SMG6: variants seen among roughly 807,000 people sequenced by gnomAD.
The protein encoded by SMG6 is SMG6 nonsense mediated mRNA decay factor.
SMG6 carries 66 observed loss-of-function variants against 142.2 expected under a neutral mutation model. That is an observed-to-expected ratio of 0.46 (90% CI 0.38 to 0.57). The LOEUF is 0.57. Ranked by LOEUF, SMG6 falls within the 20% of genes least tolerant of loss-of-function variation. SMG6 has a pLI of 0.00. For missense variants in SMG6, 1,793 were observed against 1,832.0 expected (o/e 0.98, Z 0.39); for synonymous variants, 779 against 702.4 (o/e 1.11, Z -1.72).
Position 2,292,872 on chromosome 17 carries a change from T to G in SMG6, c.2257A>C (p.Ser753Arg). Residue 753 changes from serine to arginine, a missense_variant and splice_region_variant, in exon 5 of 19, where the codon AGT becomes CGT. Ser to Arg is a moderately radical substitution (Grantham distance 110, BLOSUM62 -1). Coordinates refer to ENST00000263073, the MANE Select transcript of SMG6 (RefSeq NM_017575.5). ...SDTANYGKARSWYLKAQHIAP... is the reference protein window; with the variant it reads ...SDTANYGKARRWYLKAQHIAP... ...ATAACGAAGCAGAGGTAAAAGTACC[T>G]GCGTGCTTTCCCATAATTCGCTGTA... The G allele has an allele frequency of 1.2e-6, 2 of 1,612,286 alleles. No individual in the cohort carries two copies. Among genetic ancestry groups the G allele is most frequent in the Non-Finnish European group, 1.7e-6 (2 of 1,178,316 alleles).
At chr17:2,066,652 T>TACAC (rs1161956483) in intron 16 of SMG6, among the ~76,000 whole-genome samples, 12,296 of 119,426 alleles carry the variant, frequency 0.1, 748 homozygotes, top group South Asian at 0.2. Context: ...CATGTGGGAA[T>TACAC]ACACACACAC....
At chr17:2,174,833 C>T (rs1461985856) in intron 12 of SMG6, among the ~76,000 whole-genome samples, 1 of 152,154 alleles carries the variant, frequency 6.6e-6, no homozygotes, top group East Asian at 1.9e-4. Context: ...GCCTGAGCTC[C>T]TTTGTGATGT....
rs904554960 is a variant in SMG6, at chr17:2,068,117, G to A, written c.3835+661C>T. ...GAACTAAGGGTACCCAGACGGTCCC[G>A]TGGAGACGGCCCAGCTGGGCCTCTC... On this transcript the variant is annotated intron_variant, in intron 16 of 18. Transcript: ENST00000263073. The surrounding 1 kb of genome is among the most constrained non-coding windows in gnomAD (Gnocchi z 6.7). Among the ~76,000 whole-genome samples the A allele has an allele frequency of 2.6e-5, 4 of 152,184 alleles. No individual in the cohort carries two copies. The highest frequency in any genetic ancestry group is 7.2e-5 in the African/African-American group (3 of 41,448).
At chr17:2,297,451 G>C in intron 3 of SMG6, 98 bp from the exon 4 acceptor site, 4 of 846,328 alleles carry the variant, frequency 4.7e-6, no homozygotes, top group South Asian at 3.5e-5. Context: ...TTCTGCTGAT[G>C]TTCAGACATC....
chr17:2,172,898 G>T, intron 12 of SMG6, 39 bp from the exon 13 acceptor site: 1 of 1,582,320 alleles, frequency 6.3e-7, no homozygotes, highest in Non-Finnish European at 8.7e-7. Flanking sequence ...GCTCTAAAGA[G>T]GGACCAGTAA....
At chr17:2,164,830 C>T (rs144506974) in intron 13 of SMG6, among the ~76,000 whole-genome samples, 2 of 150,586 alleles carry the variant, frequency 1.3e-5, no homozygotes, top group East Asian at 2.0e-4. Context: ...CCAGCTACTC[C>T]GGAGGCTGAG....
intron 13 of SMG6, among the ~76,000 whole-genome samples, chr17:2,122,868 C>G (rs1183978182): frequency 6.6e-6 from 1 of 152,216 alleles, no homozygotes; most frequent in Admixed American, 6.5e-5. Flanking sequence ...CGAAACTCCA[C>G]AACAGGAGAC....
At chr17:2,161,733 T>A (rs1418658520) in intron 13 of SMG6, among the ~76,000 whole-genome samples, 2 of 148,900 alleles carry the variant, frequency 1.3e-5, no homozygotes, top group African/African-American at 5.0e-5. Context: ...AAAAAAAAAA[T>A]CAAATTCTCT....
intron 8 of SMG6, among the ~76,000 whole-genome samples, chr17:2,267,611 T>C (rs2074449521): frequency 6.6e-6 from 1 of 152,154 alleles, no homozygotes. Flanking sequence ...ATAAAGCACT[T>C]ACCTACTAGT....
At chr17:2,172,929 T>C (rs1016914258) in intron 12 of SMG6, 70 bp from the exon 13 acceptor site, 2 of 1,432,236 alleles carry the variant, frequency 1.4e-6, no homozygotes, top group African/African-American at 2.8e-5. Context: ...TCTCAGTATT[T>C]GTGAGCAGGG....
chr17:2,275,432 A>G (rs1368487280), intron 8 of SMG6, among the ~76,000 whole-genome samples: 1 of 152,170 alleles, frequency 6.6e-6, no homozygotes, highest in Non-Finnish European at 1.5e-5. Context: ...AAAACAAAAC[A>G]AAATTAAAAT....
Position 2,085,941 on chromosome 17 carries a change from G to C in SMG6, c.3358-40C>G. 6.3e-7 allele frequency: 1 copy of C among 1,596,746 alleles called. No homozygotes were observed. The highest frequency in any genetic ancestry group is 8.6e-7 in the Non-Finnish European group (1 of 1,165,242). On this transcript the variant is annotated intron_variant, in intron 13 of 18. Coordinates refer to ENST00000263073, the MANE Select transcript of SMG6 (RefSeq NM_017575.5). The surrounding 1 kb of genome is among the most constrained non-coding windows in gnomAD (Gnocchi z 4.1). Reference sequence around the variant, plus strand: ...GGAGAGAAGAAAAACAGCATTTTCTGAAAGGGAAGATGGAGACGAGATGTT... The same window carrying C: ...GGAGAGAAGAAAAACAGCATTTTCTCAAAGGGAAGATGGAGACGAGATGTT...
At chr17:2,080,100 A>C (rs1271058315) in intron 15 of SMG6, among the ~76,000 whole-genome samples, 12 of 149,646 alleles carry the variant, frequency 8.0e-5, no homozygotes, top group Non-Finnish European at 1.3e-4. Context: ...AAAACAAAAC[A>C]AAACAAAACA....
rs765919281 is a variant in SMG6, at chr17:2,061,539, G to T, written c.4213C>A (p.Pro1405Thr). ...AGGAAGGCTGGGATGTCCCGTACAGGAACATTCCTTGTGAGCGCCTTCACA... is the reference window on the plus strand; with the variant it reads ...AGGAAGGCTGGGATGTCCCGTACAGTAACATTCCTTGTGAGCGCCTTCACA... The part of the protein sequence containing the change: ...LRVKALTRNV[P>T]VRDIPAFLTW... Residue 1405 changes from proline (P) to threonine (T), a missense_variant, in exon 19 of 19, where the codon CCT becomes ACT. Pro to Thr is a conservative substitution (Grantham distance 38). Around this residue, in one of 3 missense-constraint regions of SMG6, gnomAD observed 179 missense variants for 212.6 expected, o/e 0.84. Transcript: ENST00000263073. 3.2e-6 allele frequency: 5 copies of T among 1,575,776 alleles called. No homozygotes were observed. Among genetic ancestry groups the T allele is most frequent in the South Asian group, 1.2e-5 (1 of 86,098 alleles).
intron 8 of SMG6, among the ~76,000 whole-genome samples, chr17:2,269,913 T>C (rs1229609527): frequency 1.3e-5 from 2 of 151,994 alleles, no homozygotes; most frequent in Non-Finnish European, 2.9e-5. Flanking sequence ...CCTGTAATCC[T>C]AGTGCTTTGG....
intron 13 of SMG6, among the ~76,000 whole-genome samples, chr17:2,113,171 T>A (rs1464776707): frequency 6.6e-6 from 1 of 151,860 alleles, no homozygotes; most frequent in East Asian, 1.9e-4. Flanking sequence ...GCTCCAGTGA[T>A]CCTCCCCGCG....
Position 2,186,668 on chromosome 17 carries a change from G to A in SMG6, c.3150C>T (p.Pro1050=). Residue 1050 remains proline, a synonymous_variant, in exon 12 of 19, where the codon CCC becomes CCT. Coordinates refer to ENST00000263073, the MANE Select transcript of SMG6 (RefSeq NM_017575.5). ...CAATGGGCAGGTCAACTCACTGCGA[G>A]GGCAGATCCAGGGATGTGGGAGGAG... ...WNPPPTSLDL[P]SHVAVDVWST... 2 of 1,614,202 alleles carry A rather than the reference G, an allele frequency of 1.2e-6. No homozygotes were observed. The highest frequency in any genetic ancestry group is 1.3e-5 in the African/African-American group (1 of 75,072).
chr17:2,181,947 G>A (rs939239866), intron 12 of SMG6, among the ~76,000 whole-genome samples: 4 of 152,332 alleles, frequency 2.6e-5, no homozygotes, highest in South Asian at 4.1e-4. Context: ...GACATGCTGC[G>A]TGAGAGAGCT....
At chr17:2,260,850 G>T (rs1444056397) in intron 8 of SMG6, among the ~76,000 whole-genome samples, 1 of 151,628 alleles carries the variant, frequency 6.6e-6, no homozygotes. Context: ...ACAAAAATTA[G>T]CTGGGTGTGA....
Sources: gnomAD v4.1 joint callset for allele counts (sites outside exome capture counted in the v4.1 genomes callset) on GRCh38, gnomAD v4.1.1 for gene constraint, gnomAD v4.1.1 regional missense constraint, Gnocchi (gnomAD v3.1) non-coding constraint, MANE v1.5 for transcripts, NCBI Gene and HGNC (gene_info 2026-07-23, HGNC 2026-07-21) for gene names.